Variants in SPATA20 observed in about 807,000 individuals in gnomAD.
SPATA20 encodes the protein spermatogenesis associated 20, also known as spermatogenesis-associated protein 20.
A neutral mutation model predicts 98.9 loss-of-function variants in SPATA20; 74 were observed. The ratio of observed to expected loss-of-function variants is 0.75; its 90% CI spans 0.62 to 0.91. SPATA20 has a LOEUF of 0.91. Ranked by LOEUF, SPATA20 falls within the 40% of genes least tolerant of loss-of-function variation. SPATA20 has a pLI of 0.00. For missense variants in SPATA20, 1,016 were observed against 1,069.8 expected (o/e 0.95, Z 0.70); for synonymous variants, 430 against 440.5 (o/e 0.98, Z 0.30).
Position 50,549,041 on chromosome 17 carries a change from A to T in SPATA20, c.517-2A>T. On this transcript the variant is annotated splice_acceptor_variant, in intron 5 of 16. Coordinates refer to ENST00000006658, the MANE Select transcript of SPATA20 (RefSeq NM_022827.4). LOFTEE classifies it high-confidence loss of function. Reference sequence around the variant, plus strand: ...CCCTCACCCTCGCCCTCTCTCCGCCAGGCCACCAGCAGCGGCGGGGGCTGG... The same window carrying T: ...CCCTCACCCTCGCCCTCTCTCCGCCTGGCCACCAGCAGCGGCGGGGGCTGG... The T allele has an allele frequency of 6.2e-7, 1 of 1,613,748 alleles. No homozygotes were observed. Among genetic ancestry groups the T allele is most frequent in the South Asian group, 1.1e-5 (1 of 91,084 alleles).
chr17:50,548,252 C>T, intron 2 of SPATA20, 31 bp from the exon 3 acceptor site: 1 of 1,607,524 alleles, frequency 6.2e-7, no homozygotes, highest in East Asian at 2.2e-5. Flanking sequence ...GTGGAGGCCC[C>T]TGGCTTGCCT....
chr17:50,549,210 G>A (rs749775090), intron 6 of SPATA20, 24 bp downstream of exon 6: 8 of 1,594,018 alleles, frequency 5.0e-6, no homozygotes, highest in Non-Finnish European at 6.0e-6. Context: ...CGGGAGTTGG[G>A]GGACCAGGGT....
chr17:50,554,321 G>C lies in SPATA20; in HGVS notation c.2028G>C (p.Thr676=), dbSNP rs140095047. The change falls in exon 15 of 17, where the codon ACG becomes ACC. Residue 676 remains threonine (T), a synonymous_variant. Coordinates refer to ENST00000006658, the MANE Select transcript of SPATA20 (RefSeq NM_022827.4). ...ACCTGCTCCGGCTGCATGGCTTCAC[G>C]GGCCACAAGGACTGGATGGACAAGT... ...AHNLLRLHGF[T]GHKDWMDKCV... is the part of the protein sequence containing the mutation. The C allele has an allele frequency of 5.3e-4, 859 of 1,614,190 alleles. 3 individuals are homozygous for C. In the African/African-American group the frequency reaches 0.01, roughly 19 times the overall value.
At chr17:50,549,236 A>T (rs761576463) in intron 6 of SPATA20, 50 bp downstream of exon 6, 108 of 1,597,804 alleles carry the variant, frequency 6.8e-5, no homozygotes, top group Non-Finnish European at 8.8e-5. Flanking sequence ...ACTAGGAAAC[A>T]AGAGCCCCTC....
At chr17:50,548,762 C>A in intron 4 of SPATA20, 48 bp from the exon 5 acceptor site, 1 of 1,597,646 alleles carries the variant, frequency 6.3e-7, no homozygotes. Context: ...GCCAGCCTCC[C>A]TCTGACCCGT....
chr17:50,550,272 AC>A lies in SPATA20; in HGVS notation c.1060del (p.Gln354ArgfsTer35). 2 of 1,606,232 alleles carry A rather than the reference AC, an allele frequency of 1.2e-6. No individual in the cohort carries two copies. The highest frequency in any genetic ancestry group is 1.7e-6 in the Non-Finnish European group (2 of 1,174,748). ...HVPHFEKMLY[D>X]QAQLAVAYSQ... ...CCTCACTTTGAGAAGATGCTCTATG[AC>A]CAGGCACAGCTCGCTGTGGCCTATT... is the stretch of plus-strand genomic sequence containing the variant. On this transcript the variant is annotated frameshift_variant, in exon 9 of 17. Transcript: ENST00000006658. LOFTEE classifies it high-confidence loss of function.
rs1426517411 is a variant in SPATA20, at chr17:50,555,265, A to C, written c.2191A>C (p.Thr731Pro). The C allele has an allele frequency of 6.2e-7, 1 of 1,613,828 alleles. No homozygotes were observed. The highest frequency in any genetic ancestry group is 8.5e-7 in the Non-Finnish European group (1 of 1,179,954). ...CTGTGGAGACCGTCAGGCCAAGGAC[A>C]CCAAGGCCCTGGTGCAGTGCGTCCA... ...VICGDRQAKDTKALVQCVHSV... is the reference protein window; with the variant it reads ...VICGDRQAKDPKALVQCVHSV... The change falls in exon 16 of 17, where the codon ACC becomes CCC. Residue 731 changes from threonine to proline, a missense_variant. Transcript: ENST00000006658.
In SPATA20 at chr17:50,551,192, T is replaced by C; in HGVS notation, c.1576+2T>C. 6.2e-7 allele frequency: 1 copy of C among 1,607,336 alleles called. No homozygotes were observed. Among genetic ancestry groups the C allele is most frequent in the African/African-American group, 1.3e-5 (1 of 74,898 alleles). ...GCAAGATGCTGGCTGCCTGGAATGGTGGGGCAGCACACCTGAGACCGAGCC... is the reference window on the plus strand; with the variant it reads ...GCAAGATGCTGGCTGCCTGGAATGGCGGGGCAGCACACCTGAGACCGAGCC... On this transcript the variant is annotated splice_donor_variant, in intron 12 of 16. Transcript: ENST00000006658. LOFTEE classifies it high-confidence loss of function.
chr17:50,549,835 C>A, intron 7 of SPATA20, 150 bp from the exon 8 acceptor site: 1 of 857,524 alleles, frequency 1.2e-6, no homozygotes, highest in Non-Finnish European at 1.8e-6. Context: ...ACCTTCTGTC[C>A]TGTGGGTTGA....
Position 50,548,533 on chromosome 17 carries a change from GC to G in SPATA20, c.297-17del. On this transcript the variant is annotated intron_variant, in intron 3 of 16. Transcript: ENST00000006658. Reference sequence around the variant, plus strand: ...CAGACCCCCTGGGCTACTGAGTGATGCCCCACCCTGCTGGGTCTAGGTACCC... The same window carrying G: ...CAGACCCCCTGGGCTACTGAGTGATGCCCACCCTGCTGGGTCTAGGTACCC... The G allele has an allele frequency of 6.2e-7, 1 of 1,613,476 alleles. No individual in the cohort carries two copies. Among genetic ancestry groups the G allele is most frequent in the Non-Finnish European group, 8.5e-7 (1 of 1,179,718 alleles).
At position 50,550,018 on chromosome 17, in the gene SPATA20, GC is replaced by G. The variant is rs1315692805; in HGVS notation, c.898del (p.His300IlefsTer3). 1 of 1,574,372 alleles carries G rather than the reference GC, an allele frequency of 6.4e-7. No individual in the cohort carries two copies. Among genetic ancestry groups the G allele is most frequent in the Non-Finnish European group, 8.7e-7 (1 of 1,154,214 alleles). ...AGCTTCCTGTTCTCCTACTGGCTCA[GC>G]CATCGACTGACTCAGGATGGCTCTC... ...ILSFLFSYWL[S>X]HRLTQDGSRA... On this transcript the variant is annotated frameshift_variant, in exon 8 of 17. Transcript: ENST00000006658. LOFTEE classifies it high-confidence loss of function.
chr17:50,551,958 C>G lies in SPATA20; in HGVS notation c.1746-11C>G. 6.4e-7 allele frequency: 1 copy of G among 1,571,544 alleles called. No homozygotes were observed. The highest frequency in any genetic ancestry group is 8.6e-7 in the Non-Finnish European group (1 of 1,157,560). On this transcript the variant is annotated splice_polypyrimidine_tract_variant and intron_variant, in intron 13 of 16. Transcript: ENST00000006658. The stretch of plus-strand genomic sequence containing the variant: ...CTCTCCCCAGCCCCTCCCGTAATGC[C>G]TGTCCCCCAGCAACCCACCCTGCTG...
At chr17:50,552,565 C>T (rs1470135228) in intron 14 of SPATA20, among the ~76,000 whole-genome samples, 23 of 128,578 alleles carry the variant, frequency 1.8e-4, no homozygotes, top group South Asian at 5.0e-4. Flanking sequence ...CTTTCTTTCT[C>T]TTTTTTTTTT....
intron 9 of SPATA20, 58 bp from the exon 10 acceptor site, chr17:50,550,478 C>T (rs2034993538): frequency 1.3e-6 from 2 of 1,545,884 alleles, no homozygotes; most frequent in Admixed American, 3.4e-5. Context: ...TTGCCACCTT[C>T]CACCTGGGCC....
At chr17:50,547,629 A>G (rs1567908160) in intron 1 of SPATA20, 91 bp from the exon 2 acceptor site, 1 of 770,892 alleles carries the variant, frequency 1.3e-6, no homozygotes, top group South Asian at 1.4e-5. Flanking sequence ...GCCCTGTCAC[A>G]GTCCTTTATT....
At chr17:50,547,491 C>T (rs1217111445) in intron 1 of SPATA20, 6 of 639,114 alleles carry the variant, frequency 9.4e-6, no homozygotes, top group South Asian at 1.8e-5. Context: ...CATCCCTTCC[C>T]TCCTCTCCCC....
At chr17:50,549,256 G>A (rs781622586) in intron 6 of SPATA20, 30 bp from the exon 7 acceptor site, 2 of 1,603,302 alleles carry the variant, frequency 1.2e-6, no homozygotes, top group African/African-American at 2.7e-5. Context: ...CCCCCTAGCT[G>A]ACCTCCAGGT....
In SPATA20 at chr17:50,551,123, G is replaced by T. The variant is rs779893519; in HGVS notation, c.1509G>T (p.Lys503Asn). 6 of 1,611,864 alleles carry T rather than the reference G, an allele frequency of 3.7e-6. No individual in the cohort carries two copies. The highest frequency in any genetic ancestry group is 2.2e-5 in the East Asian group (1 of 44,886). ...VRTLLNSGLE[K>N]LFQARKHRPK... ...CCTTGCTCAATTCAGGGCTGGAGAAGCTCTTCCAGGCCCGGAAGCATCGGC... is the reference window on the plus strand; with the variant it reads ...CCTTGCTCAATTCAGGGCTGGAGAATCTCTTCCAGGCCCGGAAGCATCGGC... Residue 503 changes from lysine (K) to asparagine (N), a missense_variant, in exon 12 of 17, where the codon AAG becomes AAT. Coordinates refer to ENST00000006658, the MANE Select transcript of SPATA20 (RefSeq NM_022827.4).
rs2035007233 is a variant in SPATA20, at chr17:50,551,128, T to A, written c.1514T>A (p.Phe505Tyr). Residue 505 changes from phenylalanine to tyrosine, a missense_variant, in exon 12 of 17, where the codon TTC (phenylalanine) becomes TAC (tyrosine). Coordinates refer to ENST00000006658, the MANE Select transcript of SPATA20 (RefSeq NM_022827.4). ...CTCAATTCAGGGCTGGAGAAGCTCTTCCAGGCCCGGAAGCATCGGCCCAAG... is the reference window on the plus strand; with the variant it reads ...CTCAATTCAGGGCTGGAGAAGCTCTACCAGGCCCGGAAGCATCGGCCCAAG... Reference protein sequence around the residue: ...TLLNSGLEKLFQARKHRPKPH... With the variant: ...TLLNSGLEKLYQARKHRPKPH... 1 of 1,611,196 alleles carries A rather than the reference T, an allele frequency of 6.2e-7. No homozygotes were observed. Among genetic ancestry groups the A allele is most frequent in the Non-Finnish European group, 8.5e-7 (1 of 1,179,856 alleles).
Sources: allele counts gnomAD v4.1 joint callset (sites outside exome capture counted in the v4.1 genomes callset), GRCh38; gene constraint gnomAD v4.1.1; transcripts MANE v1.5; gene names NCBI Gene and HGNC (gene_info 2026-07-23, HGNC 2026-07-21).